LRRC3B: variants seen among roughly 807,000 people sequenced by gnomAD.
LRRC3B encodes leucine rich repeat containing 3B, also known as leucine-rich repeat-containing protein 3B.
In LRRC3B, 2 loss-of-function variants were observed where a neutral mutation model predicts 12.8. That is an observed-to-expected ratio of 0.16 (90% confidence interval 0.06 to 0.49). The LOEUF is 0.49. Ranked by LOEUF, LRRC3B falls within the 20% of genes least tolerant of loss-of-function variation. The pLI is 0.96. For synonymous variants in LRRC3B, 132 were observed against 122.0 expected (o/e 1.08, Z -0.54); for missense variants, 189 against 319.4 (o/e 0.59, Z 3.11).
chr3:26,643,717 T>C (rs1008074642), intron 1 of LRRC3B, among the ~76,000 whole-genome samples: 2 of 152,198 alleles, frequency 1.3e-5, no homozygotes, highest in Non-Finnish European at 2.9e-5. Context: ...CCCTTTTCAA[T>C]CTTGTCTGTT....
intron 1 of LRRC3B, among the ~76,000 whole-genome samples, chr3:26,680,592 G>A (rs1457478559): frequency 6.6e-6 from 1 of 152,244 alleles, no homozygotes; most frequent in Non-Finnish European, 1.5e-5. Flanking sequence ...GTCATTCCAT[G>A]TCACAGCGTG....
intron 1 of LRRC3B, among the ~76,000 whole-genome samples, chr3:26,638,287 A>G (rs2125405855): frequency 6.6e-6 from 1 of 152,240 alleles, no homozygotes. Flanking sequence ...TAGAAAACAT[A>G]TTGTCATATG....
chr3:26,668,857 G>A (rs984263201), intron 1 of LRRC3B, among the ~76,000 whole-genome samples: 7 of 152,134 alleles, frequency 4.6e-5, no homozygotes, highest in Admixed American at 6.5e-5. Flanking sequence ...ATGCTGGAAT[G>A]CCTTCTATAA....
intron 1 of LRRC3B, among the ~76,000 whole-genome samples, chr3:26,666,464 A>G (rs1157742428): frequency 6.6e-6 from 1 of 152,142 alleles, no homozygotes; most frequent in Non-Finnish European, 1.5e-5. Flanking sequence ...AATATTTATT[A>G]GATCTCTACT....
At chr3:26,682,827 C>G (rs1699998479) in intron 1 of LRRC3B, among the ~76,000 whole-genome samples, 1 of 152,194 alleles carries the variant, frequency 6.6e-6, no homozygotes, top group Non-Finnish European at 1.5e-5. Flanking sequence ...CAAAAAATTG[C>G]TGTGTTTTCC....
intron 1 of LRRC3B, among the ~76,000 whole-genome samples, chr3:26,645,143 T>G (rs1699116187): frequency 6.6e-6 from 1 of 152,216 alleles, no homozygotes; most frequent in Non-Finnish European, 1.5e-5. Context: ...AGACTTAAAC[T>G]TTTCAAATTA....
chr3:26,636,974 C>CTTTCTT lies in LRRC3B; in HGVS notation c.-161+13738_-161+13739insTTCTTT, dbSNP rs1193566862. On this transcript the variant is annotated intron_variant, in intron 1 of 1. Coordinates refer to ENST00000396641, the Ensembl canonical transcript of LRRC3B. ...TCTTTCTTTCTTTCTTTCTTTCTTT[C>CTTTCTT]TCTCTCTCTCTTTCTCTCTTTCTCT... Among the ~76,000 whole-genome samples, 490 of 112,016 alleles carry CTTTCTT rather than the reference C, an allele frequency of 4.4e-3. 1 individual carries two copies. Among genetic ancestry groups the CTTTCTT allele is most frequent in the Middle Eastern group, 8.9e-3 (2 of 224 alleles). The allele number at this position is 112,016 out of a possible 152,430, so 73.5% of individuals were successfully genotyped here.
chr3:26,652,807 G>A (rs998830061), intron 1 of LRRC3B, among the ~76,000 whole-genome samples: 5 of 151,820 alleles, frequency 3.3e-5, no homozygotes, highest in Non-Finnish European at 7.4e-5. Context: ...AGTTATAACA[G>A]CACTAATGAA....
chr3:26,685,659 ACTATT>A (rs1342069963), intron 1 of LRRC3B, among the ~76,000 whole-genome samples: 4 of 147,788 alleles, frequency 2.7e-5, no homozygotes, highest in African/African-American at 1.0e-4. Context: ...TTTAAAAACT[ACTATT>A]ACTATTTTAT....
rs1040863369 is a variant in LRRC3B, at chr3:26,675,407, C to G, written c.-160-34106C>G. ...TACCTTCAGCCAGACACACACTGTGCCAACTACCCACTGTCTTCCTGGTGC... is the reference window on the plus strand; with the variant it reads ...TACCTTCAGCCAGACACACACTGTGGCAACTACCCACTGTCTTCCTGGTGC... On this transcript the variant is annotated intron_variant, in intron 1 of 1. Coordinates refer to ENST00000396641, the Ensembl canonical transcript of LRRC3B. 4.4e-4 allele frequency among the ~76,000 whole-genome samples: 67 copies of G among 152,304 alleles called. 1 individual carries two copies. Among genetic ancestry groups the G allele is most frequent in the East Asian group, 1.5e-3 (8 of 5,170 alleles).
chr3:26,638,965 C>T (rs978763082), intron 1 of LRRC3B, among the ~76,000 whole-genome samples: 4 of 151,948 alleles, frequency 2.6e-5, no homozygotes, highest in Non-Finnish European at 5.9e-5. Flanking sequence ...CAGGTGGAGA[C>T]GAGGTAGGGA....
intron 1 of LRRC3B, among the ~76,000 whole-genome samples, chr3:26,628,303 T>G (rs1365006742): frequency 1.3e-5 from 2 of 151,890 alleles, no homozygotes; most frequent in Non-Finnish European, 2.9e-5. Flanking sequence ...GAGTTAAAAG[T>G]CTTGGGTAAG....
intron 1 of LRRC3B, among the ~76,000 whole-genome samples, chr3:26,691,105 G>GTATATATA (rs1553605090): frequency 0.061 from 5,188 of 84,706 alleles, 223 homozygotes; most frequent in Non-Finnish European, 0.073. Flanking sequence ...GTGTGTGTGT[G>GTATATATA]TATATATATA....
At chr3:26,664,613 T>A (rs1436773131) in intron 1 of LRRC3B, among the ~76,000 whole-genome samples, 2 of 152,076 alleles carry the variant, frequency 1.3e-5, no homozygotes, top group Admixed American at 6.6e-5. Context: ...AGTGGTCCTG[T>A]GAAACACTGG....
At chr3:26,694,052 T>C (rs1287907140) in intron 1 of LRRC3B, among the ~76,000 whole-genome samples, 2 of 152,212 alleles carry the variant, frequency 1.3e-5, no homozygotes, top group African/African-American at 4.8e-5. Flanking sequence ...TTCTCTATGG[T>C]AATATTATGC....
At chr3:26,666,835 T>C (rs1438632086) in intron 1 of LRRC3B, among the ~76,000 whole-genome samples, 1 of 152,160 alleles carries the variant, frequency 6.6e-6, no homozygotes, top group Non-Finnish European at 1.5e-5. Flanking sequence ...AGTTTCTCAA[T>C]ATTTCCTTGC....
chr3:26,661,302 A>G (rs1336953157), intron 1 of LRRC3B, among the ~76,000 whole-genome samples: 2 of 152,178 alleles, frequency 1.3e-5, no homozygotes, highest in African/African-American at 2.4e-5. Context: ...AAGTACCCAT[A>G]CTTTATCCAA....
At chr3:26,693,362 C>T (rs950497525) in intron 1 of LRRC3B, among the ~76,000 whole-genome samples, 2 of 148,936 alleles carry the variant, frequency 1.3e-5, no homozygotes, top group Non-Finnish European at 3.0e-5. Flanking sequence ...AGATCAAGAG[C>T]AGGAACATGC....
At chr3:26,687,706 C>T (rs1217539227) in intron 1 of LRRC3B, among the ~76,000 whole-genome samples, 1 of 152,182 alleles carries the variant, frequency 6.6e-6, no homozygotes, top group East Asian at 1.9e-4. Flanking sequence ...GAGCTGCTAA[C>T]AAGTGGTAGA....
Sources: allele counts gnomAD v4.1 joint callset (sites outside exome capture counted in the v4.1 genomes callset), GRCh38; gene constraint gnomAD v4.1.1; transcripts MANE v1.5; gene names NCBI Gene and HGNC (gene_info 2026-07-23, HGNC 2026-07-21).